The following LYSMD1 variants were observed in gnomAD, a reference collection of about 807,000 sequenced individuals.
The protein encoded by LYSMD1 is lysM and putative peptidoglycan-binding domain-containing protein 1.
Under a neutral mutation model 19.3 loss-of-function variants are expected in LYSMD1, and 9 were observed. The observed-to-expected ratio is 0.47, with a 90% CI of 0.28 to 0.81. LYSMD1 has a LOEUF of 0.81. Ranked by LOEUF, LYSMD1 falls within the 40% of genes least tolerant of loss-of-function variation. The pLI is 0.11. For synonymous variants in LYSMD1, 111 were observed against 111.7 expected, an observed-to-expected ratio of 0.99 and a Z score of 0.04; for missense variants, 262 against 279.8, an observed-to-expected ratio of 0.94 and a Z score of 0.45.
chr1:151,165,035 A>T (rs749926249), intron 1 of LYSMD1, 44 bp downstream of exon 1: 638 of 1,559,648 alleles, frequency 4.1e-4, no homozygotes, highest in Non-Finnish European at 5.4e-4. Context: ...TCAGGACTAA[A>T]TCCCTCCTGA....
chr1:151,155,761 C>A (rs1683203290), downstream of LYSMD1, among the ~76,000 whole-genome samples: 1 of 151,986 alleles, frequency 6.6e-6, no homozygotes, highest in East Asian at 1.9e-4. Context: ...TTGTGGCTTC[C>A]CCTCATTTTG....
the LYSMD1 span, among the ~76,000 whole-genome samples, chr1:151,153,347 A>G: frequency 6.6e-6 from 1 of 152,178 alleles, no homozygotes; most frequent in East Asian, 1.9e-4. Flanking sequence ...CAAGATAGCA[A>G]GACCCTATCT....
At chr1:151,161,327 C>T (rs1267819182) in intron 2 of LYSMD1, among the ~76,000 whole-genome samples, 16 of 152,142 alleles carry the variant, frequency 1.1e-4, no homozygotes, top group Admixed American at 1.0e-3. Flanking sequence ...GAAACCCCGC[C>T]TCTACTAAAA....
In LYSMD1 at chr1:151,165,076, C is replaced by T; in HGVS notation, c.180+3G>A. On this transcript the variant is annotated splice_donor_region_variant and intron_variant, in intron 1 of 2. Coordinates refer to ENST00000368908, the MANE Select transcript of LYSMD1 (RefSeq NM_212551.5). ...GTCTTCACCCCAATCCTGGAAAACT[C>T]ACCGTCACCCCATATTTGAGTGCTA... The T allele has an allele frequency of 6.2e-7, 1 of 1,612,896 alleles. No individual in the cohort carries two copies. The highest frequency in any genetic ancestry group is 8.5e-7 in the Non-Finnish European group (1 of 1,179,146).
In LYSMD1 at chr1:151,160,107, C is replaced by G. The variant is rs1389739559; in HGVS notation, c.*775G>C. On this transcript the variant is annotated 3_prime_UTR_variant, in exon 3 of 3. Transcript: ENST00000368908. ...TCACCACAGGCTGAGCAGAACAGGT[C>G]AGAAGGGTGAACTGGTAGAATGGAG... 1.3e-5 allele frequency: 2 copies of G among 151,434 alleles called. No individual in the cohort carries two copies. Among genetic ancestry groups the G allele is most frequent in the Non-Finnish European group, 2.9e-5 (2 of 67,900 alleles). The allele number at this position is 151,434 out of a possible 1,614,324, so 9.4% of individuals were successfully genotyped here. A position where few individuals can be genotyped will look rare whatever the true frequency, so the allele number is the denominator to read the frequency against.
the LYSMD1 span, among the ~76,000 whole-genome samples, chr1:151,148,712 C>T: frequency 9.9e-5 from 15 of 152,158 alleles, no homozygotes; most frequent in African/African-American, 3.4e-4. Context: ...AGAAAATGTT[C>T]CCGAGGGACA....
At chr1:151,162,186 T>C in intron 1 of LYSMD1, 86 bp from the exon 2 acceptor site, 1 of 1,259,424 alleles carries the variant, frequency 7.9e-7, no homozygotes, top group Non-Finnish European at 1.1e-6. Flanking sequence ...GTACAGAGTC[T>C]TCTTTGATTC....
chr1:151,158,128 G>GT (rs1321335992), downstream of LYSMD1, among the ~76,000 whole-genome samples: 2 of 152,026 alleles, frequency 1.3e-5, no homozygotes, highest in East Asian at 3.9e-4. Context: ...TTCGAGACCA[G>GT]TCTGGCCAAC....
downstream of LYSMD1, chr1:151,158,736 AGAG>A: frequency 6.2e-7 from 1 of 1,611,922 alleles, no homozygotes; most frequent in Non-Finnish European, 8.5e-7. Flanking sequence ...CACTGCAAGC[AGAG>A]AAGAAGCTAC....
At chr1:151,154,647 TTTTC>T in the LYSMD1 span, among the ~76,000 whole-genome samples, 1 of 152,042 alleles carries the variant, frequency 6.6e-6, no homozygotes, top group Non-Finnish European at 1.5e-5. Flanking sequence ...TCTTTTTCTT[TTTTC>T]TTTTCTTTTT....
Position 151,165,559 on chromosome 1 carries a change from TCTAGAAATAATCCTCAACA to T in LYSMD1, c.-320_-302del. ...CTACATTGACCTCTGACCTTTGAAC[TCTAGAAATAATCCTCAACA>T]CTCTTTCCTCAGTTTGCCCCCAAGT... On this transcript the variant is annotated 5_prime_UTR_variant, in exon 1 of 3. An upstream open reading frame in the 5' UTR loses its in-frame stop. Transcript: ENST00000368908. 1 of 1,465,084 alleles carries T rather than the reference TCTAGAAATAATCCTCAACA, an allele frequency of 6.8e-7. No homozygotes were observed. The highest frequency in any genetic ancestry group is 9.0e-7 in the Non-Finnish European group (1 of 1,114,418). The allele number at this position is 1,465,084 out of a possible 1,614,324, so 90.8% of individuals were successfully genotyped here.
At position 151,162,103 on chromosome 1, in the gene LYSMD1, T is replaced by TAA. The variant is rs11459817; in HGVS notation, c.181-5_181-4dup. 776 of 1,477,144 alleles carry TAA rather than the reference T, an allele frequency of 5.3e-4. No homozygotes were observed. Among genetic ancestry groups the TAA allele is most frequent in the African/African-American group, 2.4e-3 (162 of 66,412 alleles). The allele number at this position is 1,477,144 out of a possible 1,614,324, so 91.5% of individuals were successfully genotyped here. ...TTTGCACGTTTAATCTGTTCCATCTTAAAAAAAAAAGTCACCAAAATTAAG... is the reference window on the plus strand; with the variant it reads ...TTTGCACGTTTAATCTGTTCCATCTTAAAAAAAAAAAAGTCACCAAAATTAAG... On this transcript the variant is annotated splice_polypyrimidine_tract_variant and splice_region_variant and intron_variant, in intron 1 of 2. Transcript: ENST00000368908.
chr1:151,158,065 C>A (rs587733210), downstream of LYSMD1, among the ~76,000 whole-genome samples: 8 of 152,314 alleles, frequency 5.3e-5, no homozygotes, highest in East Asian at 1.4e-3. Context: ...TGGCTCACGC[C>A]TGTATTCCCG....
chr1:151,159,113 C>T, downstream of LYSMD1: 1 of 1,614,144 alleles, frequency 6.2e-7, no homozygotes, highest in Non-Finnish European at 8.5e-7. Flanking sequence ...ACGCCCAAGT[C>T]ACATGGCCGC....
the LYSMD1 span, among the ~76,000 whole-genome samples, chr1:151,151,564 G>A: frequency 6.6e-6 from 1 of 151,552 alleles, no homozygotes; most frequent in African/African-American, 2.4e-5. Context: ...TTTCTCCTGA[G>A]TTCTAGACTC....
chr1:151,161,662 T>C (rs1433122894), intron 2 of LYSMD1, 74 bp downstream of exon 2: 1 of 1,543,452 alleles, frequency 6.5e-7, no homozygotes, highest in Non-Finnish European at 8.7e-7. Flanking sequence ...TACTTACTTG[T>C]GTTTGTGGTT....
rs1252306276 is a variant in LYSMD1, at chr1:151,159,949, A to C, written c.*933T>G. ...ACTGTACCATAGATCAGTGCTACAAATCGCAAATAAATATGCAGTGAGGAG... is the reference window on the plus strand; with the variant it reads ...ACTGTACCATAGATCAGTGCTACAACTCGCAAATAAATATGCAGTGAGGAG... On this transcript the variant is annotated 3_prime_UTR_variant, in exon 3 of 3. Transcript: ENST00000368908. The C allele has an allele frequency of 6.2e-6, 1 of 160,958 alleles. No individual in the cohort carries two copies. Among genetic ancestry groups the C allele is most frequent in the Non-Finnish European group, 1.5e-5 (1 of 68,092 alleles). 10.0% of individuals were successfully genotyped at this position (160,958 alleles called of 1,614,324 possible).
chr1:151,164,965 G>A (rs1440620984), intron 1 of LYSMD1, 114 bp downstream of exon 1: 2 of 849,106 alleles, frequency 2.4e-6, no homozygotes, highest in East Asian at 5.3e-5. Flanking sequence ...AGGCAGAACA[G>A]AGTGCAACAC....
rs900612356 is a variant in LYSMD1, at chr1:151,159,951, C to T, written c.*931G>A. The T allele has an allele frequency of 1.2e-5, 2 of 160,410 alleles. No individual in the cohort carries two copies. The highest frequency in any genetic ancestry group is 4.8e-5 in the African/African-American group (2 of 41,290). 9.9% of individuals were successfully genotyped at this position (160,410 alleles called of 1,614,324 possible). On this transcript the variant is annotated 3_prime_UTR_variant, in exon 3 of 3. Coordinates refer to ENST00000368908, the MANE Select transcript of LYSMD1 (RefSeq NM_212551.5). The stretch of plus-strand genomic sequence containing the variant: ...TGTACCATAGATCAGTGCTACAAAT[C>T]GCAAATAAATATGCAGTGAGGAGGA...
Sources: gnomAD v4.1 joint callset for allele counts (sites outside exome capture counted in the v4.1 genomes callset) on GRCh38, gnomAD v4.1.1 for gene constraint, MANE v1.5 for transcripts, NCBI Gene and HGNC (gene_info 2026-07-23, HGNC 2026-07-21) for gene names.